THSD7B: variants seen among roughly 807,000 people sequenced by gnomAD.
THSD7B encodes the protein thrombospondin type 1 domain containing 7B.
A neutral mutation model predicts 213.6 loss-of-function variants in THSD7B; 138 were observed. The ratio of observed to expected loss-of-function variants is 0.65; its 90% confidence interval spans 0.56 to 0.74. The LOEUF is 0.74. Ranked by LOEUF, THSD7B falls within the 30% of genes least tolerant of loss-of-function variation. THSD7B has a pLI of 0.00. For synonymous variants in THSD7B, 742 were observed against 687.0 expected, an observed-to-expected ratio of 1.08 and a Z score of -1.25; for missense variants, 1,931 against 1,991.5, an observed-to-expected ratio of 0.97 and a Z score of 0.58.
At chr2:136,864,170 A>G (rs530554303) in intron 1 of THSD7B, among the ~76,000 whole-genome samples, 3 of 152,348 alleles carry the variant, frequency 2.0e-5, no homozygotes, top group East Asian at 1.9e-4. Flanking sequence ...CACACAGTTC[A>G]GTGAAGTGGC....
At position 136,799,568 on chromosome 2, in the gene THSD7B, A is replaced by AT. The variant is rs548393235; in HGVS notation, c.-36+33887dup. 2.0e-3 allele frequency among the ~76,000 whole-genome samples: 299 copies of AT among 152,088 alleles called. 3 individuals carry two copies. The highest frequency in any genetic ancestry group is 3.4e-3 in the Middle Eastern group (1 of 294). The stretch of plus-strand genomic sequence containing the variant: ...TTCCTTTCTAGCTAATTAACATTTG[A>AT]TTTTTTGAAGTCAATTTATAATTGC... On this transcript the variant is annotated intron_variant, in intron 1 of 27. Transcript: ENST00000409968.
At chr2:137,205,322 A>C (rs1010939597) in intron 7 of THSD7B, among the ~76,000 whole-genome samples, 4 of 152,060 alleles carry the variant, frequency 2.6e-5, no homozygotes, top group Admixed American at 2.6e-4. Context: ...ACTCCAGAGA[A>C]TCCCAAAGAT....
At chr2:137,674,465 C>CT (rs1683651179) in intron 27 of THSD7B, among the ~76,000 whole-genome samples, 1 of 152,184 alleles carries the variant, frequency 6.6e-6, no homozygotes, top group Admixed American at 6.5e-5. Flanking sequence ...GCCTCACCCT[C>CT]TGGTGTGTGC....
chr2:137,167,918 C>T (rs71419523), intron 6 of THSD7B, among the ~76,000 whole-genome samples: 9,420 of 152,186 alleles, frequency 0.062, 301 homozygotes, highest in Admixed American at 0.081. Context: ...CCACAGGAGC[C>T]GACTTTAATC....
At chr2:136,978,406 A>G (rs1685519325) in intron 2 of THSD7B, among the ~76,000 whole-genome samples, 1 of 152,168 alleles carries the variant, frequency 6.6e-6, no homozygotes, top group Admixed American at 6.5e-5. Context: ...ATCTCCCACT[A>G]TTATTTTGTG....
intron 2 of THSD7B, among the ~76,000 whole-genome samples, chr2:137,052,490 CAT>C (rs933400150): frequency 1.8e-4 from 28 of 151,926 alleles, no homozygotes; most frequent in African/African-American, 5.8e-4. Context: ...CATTTAAAAA[CAT>C]AGTTTCTTAT....
chr2:137,411,887 GGAGA>G lies in THSD7B; in HGVS notation c.2959+17_2959+20del. 2 of 1,613,324 alleles carry G rather than the reference GGAGA, an allele frequency of 1.2e-6. No homozygotes were observed. Among genetic ancestry groups the G allele is most frequent in the Non-Finnish European group, 1.7e-6 (2 of 1,179,446 alleles). Reference sequence around the variant, plus strand: ...CAGCAGCTCTGGTAAGGAGATGGATGGAGAGTAACAGATGAGAACACTCACACAC... The same window carrying G: ...CAGCAGCTCTGGTAAGGAGATGGATGGTAACAGATGAGAACACTCACACAC... On this transcript the variant is annotated intron_variant, in intron 14 of 27. Transcript: ENST00000409968.
At chr2:137,071,673 T>C (rs1385227383) in intron 3 of THSD7B, among the ~76,000 whole-genome samples, 1 of 152,128 alleles carries the variant, frequency 6.6e-6, no homozygotes, top group East Asian at 1.9e-4. Context: ...TTTTAGGTGT[T>C]GCCTATGTCC....
At chr2:136,799,777 G>T (rs1304213927) in intron 1 of THSD7B, among the ~76,000 whole-genome samples, 4 of 151,850 alleles carry the variant, frequency 2.6e-5, no homozygotes, top group Admixed American at 6.6e-5. Context: ...GGATCAACAT[G>T]AATTCTATAA....
At chr2:137,179,938 T>C (rs1680422935) in intron 7 of THSD7B, among the ~76,000 whole-genome samples, 1 of 152,170 alleles carries the variant, frequency 6.6e-6, no homozygotes, top group Admixed American at 6.5e-5. Context: ...CCAACTATTT[T>C]ATGCTGGTCT....
chr2:137,123,809 A>G (rs2104946150), intron 5 of THSD7B, among the ~76,000 whole-genome samples: 1 of 150,924 alleles, frequency 6.6e-6, no homozygotes, highest in East Asian at 2.0e-4. Context: ...CTCTTCTTTT[A>G]TGTATTTCTC....
In THSD7B at chr2:137,525,012, C is replaced by T. The variant is rs150492560; in HGVS notation, c.3139-38209C>T. ...GGCCGTGCTTCATGTTTTGTGAGGTCGTTGTTGGTGTGCCTTTTTTTGTTG... is the reference window on the plus strand; with the variant it reads ...GGCCGTGCTTCATGTTTTGTGAGGTTGTTGTTGGTGTGCCTTTTTTTGTTG... On this transcript the variant is annotated intron_variant, in intron 15 of 27. Transcript: ENST00000409968. 9.6e-3 allele frequency among the ~76,000 whole-genome samples: 1,454 copies of T among 152,088 alleles called. 9 individuals are homozygous for T. Among genetic ancestry groups the T allele is most frequent in the South Asian group, 0.023 (112 of 4,808 alleles).
intron 15 of THSD7B, among the ~76,000 whole-genome samples, chr2:137,490,008 A>G (rs1190793627): frequency 2.6e-5 from 4 of 152,242 alleles, no homozygotes; most frequent in African/African-American, 7.2e-5. Context: ...AGAGAAATCA[A>G]TGGTATTTTG....
chr2:137,473,658 G>T (rs1370322889), intron 15 of THSD7B, among the ~76,000 whole-genome samples: 1 of 152,142 alleles, frequency 6.6e-6, no homozygotes, highest in Admixed American at 6.5e-5. Context: ...CAGTGGTTAA[G>T]AATACAATGA....
intron 1 of THSD7B, among the ~76,000 whole-genome samples, chr2:136,870,514 A>G (rs1385731915): frequency 6.6e-6 from 1 of 152,220 alleles, no homozygotes; most frequent in African/African-American, 2.4e-5. Context: ...AGTACACTAA[A>G]TTATCAGTTA....
At chr2:137,646,681 T>A (rs112103882) in intron 21 of THSD7B, among the ~76,000 whole-genome samples, 3,364 of 148,146 alleles carry the variant, frequency 0.023, 117 homozygotes, top group African/African-American at 0.077. Flanking sequence ...ATAATAATAA[T>A]AAACACTTCA....
chr2:136,989,479 T>A (rs967938973), intron 2 of THSD7B, among the ~76,000 whole-genome samples: 3 of 152,162 alleles, frequency 2.0e-5, no homozygotes, highest in Non-Finnish European at 4.4e-5. Context: ...CCCTTTGCCT[T>A]TTGCCCTGAC....
At chr2:137,002,041 C>CT (rs1686009586) in intron 2 of THSD7B, among the ~76,000 whole-genome samples, 1 of 152,126 alleles carries the variant, frequency 6.6e-6, no homozygotes, top group African/African-American at 2.4e-5. Flanking sequence ...TTCTCTCTGA[C>CT]TGAGTCCATA....
chr2:137,489,230 TC>T (rs1458704863), intron 15 of THSD7B, among the ~76,000 whole-genome samples: 1 of 151,624 alleles, frequency 6.6e-6, no homozygotes, highest in Non-Finnish European at 1.5e-5. Flanking sequence ...ATCGAGACCA[TC>T]CTGGCCAACA....
Sources: gnomAD v4.1 joint callset for allele counts (sites outside exome capture counted in the v4.1 genomes callset) on GRCh38, gnomAD v4.1.1 for gene constraint, MANE v1.5 for transcripts, NCBI Gene and HGNC (gene_info 2026-07-23, HGNC 2026-07-21) for gene names.